DENND1A: variants seen among roughly 807,000 people sequenced by gnomAD.
The protein encoded by DENND1A is DENN domain containing 1A.
A neutral mutation model predicts 113.7 loss-of-function variants in DENND1A; 51 were observed. The ratio of observed to expected loss-of-function variants is 0.45; its 90% confidence interval spans 0.36 to 0.57. The LOEUF (loss-of-function observed/expected upper bound fraction) is 0.57, where lower values mean the gene tolerates loss of function less well. Ranked by LOEUF, DENND1A falls within the 20% of genes least tolerant of loss-of-function variation. The pLI is 0.00. For synonymous variants in DENND1A, 565 were observed against 570.8 expected (o/e 0.99, Z 0.14); for missense variants, 1,258 against 1,395.9 (o/e 0.90, Z 1.57).
chr9:123,495,183 T>A (rs992029192), intron 13 of DENND1A, among the ~76,000 whole-genome samples: 9 of 120,738 alleles, frequency 7.5e-5, no homozygotes, highest in Non-Finnish European at 1.4e-4. Flanking sequence ...TAATGTCTGT[T>A]TCCCTCACAG....
At chr9:123,489,825 C>T (rs1484038996) in intron 13 of DENND1A, among the ~76,000 whole-genome samples, 1 of 152,142 alleles carries the variant, frequency 6.6e-6, no homozygotes, top group African/African-American at 2.4e-5. Context: ...GCTGAACAGC[C>T]ACAGCTAGAC....
At chr9:123,695,016 A>G (rs537573735) in intron 5 of DENND1A, among the ~76,000 whole-genome samples, 2 of 152,262 alleles carry the variant, frequency 1.3e-5, no homozygotes, top group South Asian at 2.1e-4. Context: ...GCAGAAAAAC[A>G]TGAAAAGGAG....
At chr9:123,928,211 A>G (rs908504891) in intron 1 of DENND1A, among the ~76,000 whole-genome samples, 2 of 152,210 alleles carry the variant, frequency 1.3e-5, no homozygotes, top group Non-Finnish European at 2.9e-5. Flanking sequence ...TACCTTGGAG[A>G]GCAACAGAGA....
rs1344831182 is a variant in DENND1A at position 123,764,991 on chromosome 9, A to C, written c.182+4523T>G. 6.6e-6 allele frequency among the ~76,000 whole-genome samples: 1 copy of C among 152,190 alleles called. No homozygotes were observed. The highest frequency in any genetic ancestry group is 2.4e-5 in the African/African-American group (1 of 41,450). On this transcript the variant is annotated intron_variant, in intron 4 of 23. Transcript: ENST00000394215. This position sits in a 1 kb window ranked among gnomAD's most constrained non-coding sequence, Gnocchi z 4.1. ...CTAAACCAAGGGACTTCAAGGGCCC[A>C]GTGGGTTCAGGTTTAGAAAGGAGAG...
At chr9:123,915,727 G>A (rs779788116) in intron 1 of DENND1A, among the ~76,000 whole-genome samples, 8 of 152,090 alleles carry the variant, frequency 5.3e-5, no homozygotes, top group Non-Finnish European at 1.0e-4. Context: ...TAAAAATAGG[G>A]TCAGTTAATA....
At chr9:123,397,655 A>AAAT (rs2043203757) in intron 21 of DENND1A, among the ~76,000 whole-genome samples, 1 of 152,246 alleles carries the variant, frequency 6.6e-6, no homozygotes, top group South Asian at 2.1e-4. Flanking sequence ...GCAGCTCTAT[A>AAAT]AAAGACATGC....
At chr9:123,732,500 G>A (rs988062471) in intron 5 of DENND1A, among the ~76,000 whole-genome samples, 7 of 152,128 alleles carry the variant, frequency 4.6e-5, no homozygotes, top group Admixed American at 3.3e-4. Context: ...CTATAGAGAC[G>A]GAGAAGAGGG....
chr9:123,407,153 CA>C lies in DENND1A; in HGVS notation c.1543-3664del, dbSNP rs919728833. Reference sequence around the variant, plus strand: ...ATTAGGGATGATAAAACAGACAGAGCAGGGGGGGAGGGGCGGGGGGGTGGGG... The same window carrying C: ...ATTAGGGATGATAAAACAGACAGAGCGGGGGGGAGGGGCGGGGGGGTGGGG... On this transcript the variant is annotated intron_variant, in intron 20 of 23. Coordinates refer to ENST00000394215, the MANE Select transcript of DENND1A (RefSeq NM_001352964.2). Among the ~76,000 whole-genome samples the C allele has an allele frequency of 7.7e-3, 58 of 7,532 alleles. 1 individual carries two copies. Among genetic ancestry groups the C allele is most frequent in the Non-Finnish European group, 6.7e-3 (26 of 3,868 alleles). The allele number at this position is 7,532 out of a possible 152,430, so 4.9% of individuals were successfully genotyped here. A position where few individuals can be genotyped will look rare whatever the true frequency, so the allele number is the denominator to read the frequency against.
intron 1 of DENND1A, among the ~76,000 whole-genome samples, chr9:123,886,085 T>C (rs926493057): frequency 6.6e-6 from 1 of 152,158 alleles, no homozygotes; most frequent in East Asian, 1.9e-4. Flanking sequence ...GCCAGGACCA[T>C]GTTCTCAAAA....
At chr9:123,504,504 T>C (rs2052750738) in intron 13 of DENND1A, among the ~76,000 whole-genome samples, 2 of 152,234 alleles carry the variant, frequency 1.3e-5, no homozygotes, top group African/African-American at 4.8e-5. Context: ...CTGATTTAAA[T>C]GTCTTAGGTT....
rs1407283010 is a variant in DENND1A at position 123,507,092 on chromosome 9, G to T, written c.994-49195C>A. Among the ~76,000 whole-genome samples, 4 of 152,206 alleles carry T rather than the reference G, an allele frequency of 2.6e-5. No individual in the cohort carries two copies. The East Asian group carries it at 7.7e-4, about 29-fold the overall frequency. On this transcript the variant is annotated intron_variant, in intron 13 of 23. Transcript: ENST00000394215. The stretch of plus-strand genomic sequence containing the variant: ...TAATCCCAGCTACTTGGGAGGCTGA[G>T]GCACGAGAATAGCTTGAACCTGGGA...
chr9:123,522,935 C>G (rs1037291372), intron 13 of DENND1A, among the ~76,000 whole-genome samples: 1 of 152,160 alleles, frequency 6.6e-6, no homozygotes, highest in Non-Finnish European at 1.5e-5. Flanking sequence ...CTTTAAGAGG[C>G]CCCACTATGT....
chr9:123,795,925 C>T (rs1166900744), intron 2 of DENND1A, among the ~76,000 whole-genome samples: 1 of 152,108 alleles, frequency 6.6e-6, no homozygotes, highest in Non-Finnish European at 1.5e-5. Context: ...AGCTTTTACC[C>T]AAGAATTGTC....
chr9:123,417,887 G>GC (rs1478359800), intron 19 of DENND1A, among the ~76,000 whole-genome samples: 1 of 137,796 alleles, frequency 7.3e-6, no homozygotes, highest in Non-Finnish European at 1.5e-5. Context: ...CCATAGATTG[G>GC]GGGGGGGGCA....
chr9:123,831,979 T>A (rs903692208), intron 2 of DENND1A, among the ~76,000 whole-genome samples: 1 of 151,660 alleles, frequency 6.6e-6, no homozygotes, highest in African/African-American at 2.4e-5. Context: ...TGAGACTCCA[T>A]CTCCAAAAAA....
At chr9:123,820,174 T>C (rs1042755530) in intron 2 of DENND1A, among the ~76,000 whole-genome samples, 2 of 152,150 alleles carry the variant, frequency 1.3e-5, no homozygotes, top group Non-Finnish European at 2.9e-5. Context: ...GTATGATAGG[T>C]TGCCTTCAAA....
intron 11 of DENND1A, among the ~76,000 whole-genome samples, chr9:123,591,760 T>A (rs2059466635): frequency 6.6e-6 from 1 of 152,222 alleles, no homozygotes; most frequent in South Asian, 2.1e-4. Flanking sequence ...GATGTCAATG[T>A]AAGCCCGAAT....
At chr9:123,514,570 C>T (rs1380477467) in intron 13 of DENND1A, among the ~76,000 whole-genome samples, 1 of 152,100 alleles carries the variant, frequency 6.6e-6, no homozygotes, top group Non-Finnish European at 1.5e-5. Context: ...CGTGGTTCCA[C>T]ACAAATAACC....
intron 2 of DENND1A, among the ~76,000 whole-genome samples, chr9:123,847,163 C>CCATA (rs1314532764): frequency 6.6e-6 from 1 of 151,744 alleles, no homozygotes; most frequent in South Asian, 2.1e-4. Flanking sequence ...GTTTTAAAAG[C>CCATA]AATTAGACAC....
Sources: allele counts gnomAD v4.1 joint callset (sites outside exome capture counted in the v4.1 genomes callset), GRCh38; gene constraint gnomAD v4.1.1; non-coding constraint Gnocchi (gnomAD v3.1); transcripts MANE v1.5; gene names NCBI Gene and HGNC (gene_info 2026-07-23, HGNC 2026-07-21).